The following TMEM178B variants were observed in gnomAD, a reference collection of about 807,000 sequenced individuals.
TMEM178B encodes transmembrane protein 178B.
In TMEM178B, 5 loss-of-function variants were observed where a neutral mutation model predicts 31.0. The observed-to-expected ratio is 0.16, with a 90% CI of 0.08 to 0.34. The LOEUF (loss-of-function observed/expected upper bound fraction) is 0.34, where lower values mean the gene tolerates loss of function less well. Among genes scored for constraint, TMEM178B ranks in the 10% least tolerant of loss-of-function variants. TMEM178B has a pLI of 1.00. For missense variants in TMEM178B, 275 were observed against 400.3 expected (o/e 0.69, Z 2.67); for synonymous variants, 164 against 164.0 (o/e 1.00, Z 0.00).
the TMEM178B span, among the ~76,000 whole-genome samples, chr7:141,487,975 A>C: frequency 6.6e-6 from 1 of 152,192 alleles, no homozygotes; most frequent in East Asian, 1.9e-4. Flanking sequence ...GTTTACCACC[A>C]TAATTGGTGG....
chr7:141,510,898 G>A, the TMEM178B span, among the ~76,000 whole-genome samples: 1 of 151,986 alleles, frequency 6.6e-6, no homozygotes, highest in Non-Finnish European at 1.5e-5. Context: ...GGTGACAACT[G>A]GGGGTACATG....
At chr7:141,454,546 TTCTCTCCTCTCTCTCCTC>T (rs57233428) in intron 3 of TMEM178B, among the ~76,000 whole-genome samples, 2,771 of 111,622 alleles carry the variant, frequency 0.025, 53 homozygotes, top group African/African-American at 0.051. Flanking sequence ...TCCTCTCCTC[TTCTCTCCTCTCTCTCCTC>T]TCTCTCCTCT....
At chr7:141,275,424 T>A (rs567893704) in intron 2 of TMEM178B, among the ~76,000 whole-genome samples, 55 of 152,292 alleles carry the variant, frequency 3.6e-4, no homozygotes, top group Non-Finnish European at 6.9e-4. Flanking sequence ...AACTGTGTAG[T>A]TTGCCTTGTA....
chr7:141,124,973 C>G (rs978908338), intron 1 of TMEM178B, among the ~76,000 whole-genome samples: 1 of 152,130 alleles, frequency 6.6e-6, no homozygotes, highest in Non-Finnish European at 1.5e-5. Context: ...TACCTAATAT[C>G]CCCCTTTATT....
chr7:141,465,249 G>A (rs1802130644), intron 3 of TMEM178B, among the ~76,000 whole-genome samples: 1 of 152,162 alleles, frequency 6.6e-6, no homozygotes, highest in Non-Finnish European at 1.5e-5. Flanking sequence ...TGTGCCACTT[G>A]CACAAGGGAC....
intron 2 of TMEM178B, among the ~76,000 whole-genome samples, chr7:141,261,187 C>T (rs1221926278): frequency 1.3e-5 from 2 of 152,184 alleles, no homozygotes; most frequent in East Asian, 3.9e-4. Flanking sequence ...TTGTTTGGGG[C>T]ACAAAGTTTT....
chr7:141,082,882 A>G (rs1182576246), intron 1 of TMEM178B, among the ~76,000 whole-genome samples: 1 of 152,192 alleles, frequency 6.6e-6, no homozygotes, highest in Non-Finnish European at 1.5e-5. Context: ...AGCTCTTTTT[A>G]TTGAGTCAAC....
At position 141,437,762 on chromosome 7, in the gene TMEM178B, G is replaced by T. The variant is rs1202110457; in HGVS notation, c.634+17G>T. 3.3e-6 allele frequency: 5 copies of T among 1,535,890 alleles called. No individual in the cohort carries two copies. In the Admixed American group the frequency reaches 9.8e-5, roughly 30 times the overall value. Reference sequence around the variant, plus strand: ...TCATGGGAGGTAAGGCTACGGGCTCGGCTTGTGGGTGGCAGTGGACAGGGT... The same window carrying T: ...TCATGGGAGGTAAGGCTACGGGCTCTGCTTGTGGGTGGCAGTGGACAGGGT... On this transcript the variant is annotated intron_variant, in intron 3 of 3. Transcript: ENST00000565468.
chr7:141,431,524 C>T (rs985044203), intron 2 of TMEM178B, among the ~76,000 whole-genome samples: 3 of 152,122 alleles, frequency 2.0e-5, no homozygotes, highest in Non-Finnish European at 4.4e-5. Flanking sequence ...ATAAACGCAC[C>T]TTTCTCATTT....
At chr7:141,289,655 C>G (rs1363433394) in intron 2 of TMEM178B, among the ~76,000 whole-genome samples, 2 of 142,026 alleles carry the variant, frequency 1.4e-5, no homozygotes, top group African/African-American at 5.3e-5. Flanking sequence ...GTGGAGGTTG[C>G]AGTGAACCAA....
In TMEM178B at chr7:141,315,182, C is replaced by T. The variant is rs144215476; in HGVS notation, c.496+102478C>T. Among the ~76,000 whole-genome samples, 582 of 152,330 alleles carry T rather than the reference C, an allele frequency of 3.8e-3. 3 individuals carry two copies. Among genetic ancestry groups the T allele is most frequent in the Non-Finnish European group, 6.6e-3 (446 of 68,036 alleles). ...AGTCTAGTTAGACCTGAAGTTTTGC[C>T]TGTGAACTGATCTTTCTGCCAGCCT... is the stretch of plus-strand genomic sequence containing the variant. On this transcript the variant is annotated intron_variant, in intron 2 of 3. Transcript: ENST00000565468.
chr7:141,074,830 G>A lies in TMEM178B; in HGVS notation c.382+138G>A. ...GGTCCGGTTATCCAGGCCTGGCTGAGCCTCGGGGCCAGGACTTGCCTCCCA... is the reference window on the plus strand; with the variant it reads ...GGTCCGGTTATCCAGGCCTGGCTGAACCTCGGGGCCAGGACTTGCCTCCCA... On this transcript the variant is annotated intron_variant, in intron 1 of 3. Transcript: ENST00000565468. This position sits in a 1 kb window ranked among gnomAD's most constrained non-coding sequence, Gnocchi z 5.1. The A allele has an allele frequency of 8.1e-7, 1 of 1,239,594 alleles. No homozygotes were observed. The highest frequency in any genetic ancestry group is 1.1e-6 in the Non-Finnish European group (1 of 923,954). The allele number at this position is 1,239,594 out of a possible 1,614,324, so 76.8% of individuals were successfully genotyped here. A position where few individuals can be genotyped will look rare whatever the true frequency, so the allele number is the denominator to read the frequency against.
chr7:141,485,371 GTGT>G (rs945733718), downstream of TMEM178B, among the ~76,000 whole-genome samples: 46 of 152,222 alleles, frequency 3.0e-4, no homozygotes, highest in African/African-American at 8.9e-4. Context: ...CCATCTGCTA[GTGT>G]TGTAACTTTG....
intron 1 of TMEM178B, 97 bp from the exon 2 acceptor site, chr7:141,212,494 G>A: frequency 1.0e-6 from 1 of 993,392 alleles, no homozygotes; most frequent in Non-Finnish European, 1.5e-6. Context: ...CAATATGAAA[G>A]AAGTCTTCTT....
chr7:141,125,115 G>A (rs537941733), intron 1 of TMEM178B, among the ~76,000 whole-genome samples: 1 of 152,310 alleles, frequency 6.6e-6, no homozygotes, highest in South Asian at 2.1e-4. Context: ...GAATGTCTGT[G>A]TTTGAATTAG....
At chr7:141,307,379 C>CCTCTGTGG (rs1798832511) in intron 2 of TMEM178B, among the ~76,000 whole-genome samples, 1 of 152,234 alleles carries the variant, frequency 6.6e-6, no homozygotes, top group African/African-American at 2.4e-5. Flanking sequence ...TGCTAGTCCA[C>CCTCTGTGG]CTCTGTGGCC....
intron 2 of TMEM178B, among the ~76,000 whole-genome samples, chr7:141,296,806 C>T (rs1234737511): frequency 6.6e-6 from 1 of 152,190 alleles, no homozygotes; most frequent in Non-Finnish European, 1.5e-5. Context: ...CTCCCATCTC[C>T]TCTTTTATTC....
intron 3 of TMEM178B, among the ~76,000 whole-genome samples, chr7:141,439,576 C>T (rs957415784): frequency 6.6e-6 from 1 of 152,156 alleles, no homozygotes; most frequent in African/African-American, 2.4e-5. Context: ...TATGTAGCCC[C>T]CCAAAATATA....
At chr7:141,180,514 A>C (rs1197968198) in intron 1 of TMEM178B, among the ~76,000 whole-genome samples, 1 of 151,932 alleles carries the variant, frequency 6.6e-6, no homozygotes, top group Admixed American at 6.6e-5. Flanking sequence ...ATAAATCTAC[A>C]AATCCATGCA....
Sources: allele counts gnomAD v4.1 joint callset (sites outside exome capture counted in the v4.1 genomes callset), GRCh38; gene constraint gnomAD v4.1.1; non-coding constraint Gnocchi (gnomAD v3.1); transcripts MANE v1.5; gene names NCBI Gene and HGNC (gene_info 2026-07-23, HGNC 2026-07-21).